The following PCDH9 variants were observed in gnomAD, a reference collection of about 807,000 sequenced individuals.
The protein encoded by PCDH9 is protocadherin-9.
In PCDH9, 24 loss-of-function variants were observed where a neutral mutation model predicts 70.6. The ratio of observed to expected loss-of-function variants is 0.34; its 90% confidence interval spans 0.25 to 0.48. The LOEUF is 0.48. PCDH9 is among the 20% of genes least tolerant of loss of function. The pLI is 0.99. For synonymous variants in PCDH9, 562 were observed against 558.5 expected (o/e 1.01, Z -0.09); for missense variants, 1,281 against 1,503.6 (o/e 0.85, Z 2.45).
intron 2 of PCDH9, among the ~76,000 whole-genome samples, chr13:66,960,976 G>C (rs941772075): frequency 1.3e-5 from 2 of 152,148 alleles, no homozygotes; most frequent in African/African-American, 4.8e-5. Context: ...AGTAGCAACT[G>C]TAAAAATCAA....
chr13:66,794,065 C>T (rs1232314492), intron 3 of PCDH9, among the ~76,000 whole-genome samples: 1 of 152,078 alleles, frequency 6.6e-6, no homozygotes, highest in Non-Finnish European at 1.5e-5. Context: ...CTGAAGAACT[C>T]CACTGTCATG....
intron 2 of PCDH9, among the ~76,000 whole-genome samples, chr13:67,038,773 G>A (rs2085056460): frequency 6.6e-6 from 1 of 152,148 alleles, no homozygotes; most frequent in African/African-American, 2.4e-5. Context: ...GAGTGATCAC[G>A]TTGGTAGGAG....
intron 2 of PCDH9, among the ~76,000 whole-genome samples, chr13:67,134,809 A>C (rs1402693993): frequency 1.3e-5 from 2 of 152,080 alleles, no homozygotes; most frequent in African/African-American, 4.8e-5. Flanking sequence ...GCATGAGTAA[A>C]ACGGCAGTTT....
At chr13:66,466,219 C>T (rs1228323790) in intron 4 of PCDH9, among the ~76,000 whole-genome samples, 1 of 151,336 alleles carries the variant, frequency 6.6e-6, no homozygotes, top group African/African-American at 2.4e-5. Context: ...CTCTGTCAGT[C>T]CTCCCCAACC....
At position 67,181,800 on chromosome 13, in the gene PCDH9, AC is replaced by A. The variant is rs554473099; in HGVS notation, c.3036+43604del. On this transcript the variant is annotated intron_variant, in intron 2 of 4. Transcript: ENST00000377865. Reference sequence around the variant, plus strand: ...CACTACAAAATAAGTTGTTTCTACAACCATTCTTCTCAAGATACAAGCAATA... The same window carrying A: ...CACTACAAAATAAGTTGTTTCTACAACATTCTTCTCAAGATACAAGCAATA... Among the ~76,000 whole-genome samples, 46 of 152,316 alleles carry A rather than the reference AC, an allele frequency of 3.0e-4. No individual in the cohort carries two copies. The South Asian group carries it at 9.3e-3, about 31-fold the overall frequency.
intron 4 of PCDH9, among the ~76,000 whole-genome samples, chr13:66,392,148 A>G (rs1224119330): frequency 6.6e-6 from 1 of 151,794 alleles, no homozygotes; most frequent in Non-Finnish European, 1.5e-5. Context: ...AAATTTGTCA[A>G]CTGAAACTGA....
chr13:66,417,977 G>A (rs896315576), intron 4 of PCDH9, among the ~76,000 whole-genome samples: 20 of 152,154 alleles, frequency 1.3e-4, no homozygotes, highest in African/African-American at 4.3e-4. Flanking sequence ...TCTGATGATA[G>A]TTTCTTTTGC....
chr13:67,068,466 C>G (rs1041276780), intron 2 of PCDH9, among the ~76,000 whole-genome samples: 1 of 151,966 alleles, frequency 6.6e-6, no homozygotes, highest in Admixed American at 6.6e-5. Context: ...AATGTTTAGT[C>G]TGTTTAGAAA....
At chr13:66,345,535 G>A (rs1956199877) in intron 4 of PCDH9, among the ~76,000 whole-genome samples, 1 of 152,020 alleles carries the variant, frequency 6.6e-6, no homozygotes, top group African/African-American at 2.4e-5. Context: ...ATTCAAAAGG[G>A]CCAGGCAACG....
At chr13:66,978,145 G>A (rs1398459666) in intron 2 of PCDH9, among the ~76,000 whole-genome samples, 1 of 152,194 alleles carries the variant, frequency 6.6e-6, no homozygotes, top group East Asian at 1.9e-4. Context: ...TTGATAGTTT[G>A]TTATTGTCTT....
At chr13:66,311,553 T>G (rs1955562765) in intron 4 of PCDH9, among the ~76,000 whole-genome samples, 1 of 152,108 alleles carries the variant, frequency 6.6e-6, no homozygotes, top group Non-Finnish European at 1.5e-5. Context: ...TACTCTATGT[T>G]CTATATTTAT....
intron 3 of PCDH9, among the ~76,000 whole-genome samples, chr13:66,670,151 T>G (rs925257949): frequency 1.3e-5 from 2 of 152,204 alleles, no homozygotes; most frequent in African/African-American, 4.8e-5. Context: ...TAAAAAATAT[T>G]ATATCACATT....
chr13:66,377,626 AG>A (rs1371048412), intron 4 of PCDH9, among the ~76,000 whole-genome samples: 1 of 152,206 alleles, frequency 6.6e-6, no homozygotes, highest in Non-Finnish European at 1.5e-5. Flanking sequence ...ATAATATGAA[AG>A]GACTTGGAAG....
chr13:66,768,246 G>C (rs2079750780), intron 3 of PCDH9, among the ~76,000 whole-genome samples: 1 of 151,902 alleles, frequency 6.6e-6, no homozygotes, highest in Admixed American at 6.6e-5. Context: ...TCAAATCAAA[G>C]GCATAAAAAA....
At chr13:66,551,090 A>C (rs1932888) in intron 4 of PCDH9, among the ~76,000 whole-genome samples, 1 of 152,114 alleles carries the variant, frequency 6.6e-6, no homozygotes, top group Non-Finnish European at 1.5e-5. Context: ...TTAATTTCTC[A>C]TTTTCTAAGG....
chr13:66,905,328 T>C lies in PCDH9; in HGVS notation c.3037-1723A>G, dbSNP rs190057376. On this transcript the variant is annotated intron_variant, in intron 2 of 4. Coordinates refer to ENST00000377865, the MANE Select transcript of PCDH9 (RefSeq NM_203487.3). ...TTTTTAAAAGGTTTCATGTATCATATAGTTTTTCTCCTAAGAAACATTTCC... is the reference window on the plus strand; with the variant it reads ...TTTTTAAAAGGTTTCATGTATCATACAGTTTTTCTCCTAAGAAACATTTCC... Among the ~76,000 whole-genome samples the C allele has an allele frequency of 5.0e-3, 762 of 152,240 alleles. 7 individuals carry two copies. Among genetic ancestry groups the C allele is most frequent in the Non-Finnish European group, 5.8e-3 (391 of 67,972 alleles).
Position 66,502,441 on chromosome 13 carries a change from C to T in PCDH9, c.3340+128769G>A, listed in dbSNP as rs535097830. Among the ~76,000 whole-genome samples, 20 of 151,968 alleles carry T rather than the reference C, an allele frequency of 1.3e-4. No homozygotes were observed. The South Asian group carries it at 3.3e-3, about 25-fold the overall frequency. ...GATCAAAATATTTTTTCTTAAAGTT[C>T]ATTTTATTAGATTTAAAGAAACACA... On this transcript the variant is annotated intron_variant, in intron 4 of 4. Transcript: ENST00000377865.
At position 67,104,994 on chromosome 13, in the gene PCDH9, T is replaced by G. The variant is rs1278971887; in HGVS notation, c.3036+120411A>C. 3.3e-5 allele frequency among the ~76,000 whole-genome samples: 5 copies of G among 152,302 alleles called. No individual in the cohort carries two copies. The East Asian group carries it at 7.7e-4, about 23-fold the overall frequency. On this transcript the variant is annotated intron_variant, in intron 2 of 4. Coordinates refer to ENST00000377865, the MANE Select transcript of PCDH9 (RefSeq NM_203487.3). Reference sequence around the variant, plus strand: ...TGCAATATTTCCTTTACAGGATCATTGTACTCTTGAACTCAAATCTTCTCC... The same window carrying G: ...TGCAATATTTCCTTTACAGGATCATGGTACTCTTGAACTCAAATCTTCTCC...
chr13:66,843,549 C>T (rs2081152319), intron 3 of PCDH9, among the ~76,000 whole-genome samples: 1 of 152,320 alleles, frequency 6.6e-6, no homozygotes, highest in African/African-American at 2.4e-5. Context: ...ACGTCTTCAC[C>T]TTCAGTCTCT....
Sources: gnomAD v4.1 joint callset for allele counts (sites outside exome capture counted in the v4.1 genomes callset) on GRCh38, gnomAD v4.1.1 for gene constraint, MANE v1.5 for transcripts, NCBI Gene and HGNC (gene_info 2026-07-23, HGNC 2026-07-21) for gene names.